Variants in DGKI observed in about 807,000 individuals in gnomAD.
The protein encoded by DGKI is diacylglycerol kinase iota, also known as DAG kinase iota.
Under a neutral mutation model 147.5 loss-of-function variants are expected in DGKI, and 55 were observed. That is an observed-to-expected ratio of 0.37 (90% CI 0.30 to 0.47). The LOEUF (loss-of-function observed/expected upper bound fraction) is 0.47, where lower values mean the gene tolerates loss of function less well. Among genes scored for constraint, DGKI ranks in the 20% least tolerant of loss-of-function variants. DGKI has a pLI of 1.00. For synonymous variants in DGKI, 469 were observed against 477.1 expected (o/e 0.98, Z 0.22); for missense variants, 1,007 against 1,323.8 (o/e 0.76, Z 3.71).
chr7:137,535,815 G>A (rs1192879404), intron 20 of DGKI, among the ~76,000 whole-genome samples: 1 of 152,132 alleles, frequency 6.6e-6, no homozygotes, highest in African/African-American at 2.4e-5. Context: ...TGGGTGGACT[G>A]TTACTAATAT....
At chr7:137,697,275 G>T (rs2116490259) in intron 1 of DGKI, among the ~76,000 whole-genome samples, 1 of 152,296 alleles carries the variant, frequency 6.6e-6, no homozygotes, top group Non-Finnish European at 1.5e-5. Context: ...TTGCCCCCAT[G>T]AAACCTTGGA....
In DGKI at chr7:137,391,272, C is replaced by G. The variant is rs1302721806; in HGVS notation, c.3122G>C (p.Ser1041Thr). The change falls in exon 33 of 33, where the codon AGC becomes ACC. Residue 1041 changes from serine to threonine, a missense_variant. Ser to Thr is a moderately conservative substitution (Grantham distance 58). Transcript: ENST00000614521. ...GDPDLAAYLE[S>T]RQNYKVIGHE... ...GCCAATGACCTTATAGTTCTGACGGCTTTCTAGGTAAGCAGCCAAGTCTGG... is the reference window on the plus strand; with the variant it reads ...GCCAATGACCTTATAGTTCTGACGGGTTTCTAGGTAAGCAGCCAAGTCTGG... 1 of 1,613,632 alleles carries G rather than the reference C, an allele frequency of 6.2e-7. No homozygotes were observed. The highest frequency in any genetic ancestry group is 8.5e-7 in the Non-Finnish European group (1 of 1,179,858).
At chr7:137,487,493 C>T in intron 22 of DGKI, 117 bp downstream of exon 22, 2 of 908,780 alleles carry the variant, frequency 2.2e-6, no homozygotes, top group Admixed American at 3.6e-5. Context: ...AGGACAAAGC[C>T]ACCACATTTC....
intron 20 of DGKI, among the ~76,000 whole-genome samples, chr7:137,525,361 T>C (rs931484397): frequency 4.6e-5 from 7 of 152,160 alleles, no homozygotes; most frequent in Non-Finnish European, 7.4e-5. Flanking sequence ...GGGTATCTGT[T>C]TTCTTTTTTA....
chr7:137,445,881 T>C (rs936276859), intron 27 of DGKI, among the ~76,000 whole-genome samples: 5 of 152,014 alleles, frequency 3.3e-5, no homozygotes, highest in Non-Finnish European at 7.4e-5. Context: ...TTATTAAAAA[T>C]AAAGTTGGGG....
At chr7:137,776,866 A>C (rs958618950) in intron 1 of DGKI, among the ~76,000 whole-genome samples, 1 of 152,090 alleles carries the variant, frequency 6.6e-6, no homozygotes, top group Non-Finnish European at 1.5e-5. Context: ...AGGAGTAATG[A>C]GATAATAATC....
chr7:137,717,115 G>T (rs1292206289), intron 1 of DGKI, among the ~76,000 whole-genome samples: 1 of 152,232 alleles, frequency 6.6e-6, no homozygotes, highest in Non-Finnish European at 1.5e-5. Context: ...GAAGTGACCA[G>T]CACATAGAAG....
At chr7:137,608,438 C>A (rs750624054) in intron 10 of DGKI, among the ~76,000 whole-genome samples, 1 of 152,118 alleles carries the variant, frequency 6.6e-6, no homozygotes, top group African/African-American at 2.4e-5. Context: ...AGATAAGTAT[C>A]TGTACTATTG....
chr7:137,510,816 G>A (rs1274876828), intron 21 of DGKI, among the ~76,000 whole-genome samples: 1 of 152,160 alleles, frequency 6.6e-6, no homozygotes, highest in East Asian at 1.9e-4. Context: ...CAGCTGAAGG[G>A]GCCCCAAGCC....
chr7:137,666,028 T>A (rs182418247), intron 3 of DGKI, among the ~76,000 whole-genome samples: 1 of 152,224 alleles, frequency 6.6e-6, no homozygotes, highest in African/African-American at 2.4e-5. Context: ...GATACATCCA[T>A]CGTGTTTTGA....
chr7:137,591,531 CG>C (rs1207406527), intron 12 of DGKI, among the ~76,000 whole-genome samples: 1 of 152,132 alleles, frequency 6.6e-6, no homozygotes, highest in Non-Finnish European at 1.5e-5. Flanking sequence ...CCAGCATTCC[CG>C]GAAGACAGCA....
chr7:137,619,678 A>C, intron 8 of DGKI, 146 bp downstream of exon 8: 1 of 649,156 alleles, frequency 1.5e-6, no homozygotes, highest in Non-Finnish European at 2.7e-6. Context: ...GGCCAATGGG[A>C]TGAACTGAGG....
chr7:137,460,865 TG>T (rs1351716852), intron 27 of DGKI, among the ~76,000 whole-genome samples: 8 of 152,212 alleles, frequency 5.3e-5, no homozygotes, highest in African/African-American at 1.7e-4. Context: ...TCAAGGTGGT[TG>T]GTACATGATG....
At chr7:137,747,138 G>A (rs1284831118) in intron 1 of DGKI, among the ~76,000 whole-genome samples, 3 of 152,034 alleles carry the variant, frequency 2.0e-5, no homozygotes, top group Non-Finnish European at 4.4e-5. Context: ...GCGGGTAGGG[G>A]ATTAGATCAC....
At chr7:137,582,005 C>A in intron 14 of DGKI, 77 bp from the exon 15 acceptor site, 6 of 1,193,394 alleles carry the variant, frequency 5.0e-6, no homozygotes, top group Non-Finnish European at 7.4e-6. Context: ...TAAAGCTGGA[C>A]CCCTATCTCT....
Position 137,421,323 on chromosome 7 carries a change from G to A in DGKI, c.2762-9116C>T, listed in dbSNP as rs550980596. Reference sequence around the variant, plus strand: ...TCTTAGATTGTGTAACCATAGATGGGAGACAAAAATAGGTTTTGTTTCTCT... The same window carrying A: ...TCTTAGATTGTGTAACCATAGATGGAAGACAAAAATAGGTTTTGTTTCTCT... On this transcript the variant is annotated intron_variant, in intron 28 of 32. Coordinates refer to ENST00000614521, the MANE Select transcript of DGKI (RefSeq NM_001321708.2). 1.1e-4 allele frequency among the ~76,000 whole-genome samples: 16 copies of A among 152,112 alleles called. No homozygotes were observed. The South Asian group carries it at 2.1e-3, about 20-fold the overall frequency.
At chr7:137,449,758 G>A (rs574854896) in intron 27 of DGKI, among the ~76,000 whole-genome samples, 4 of 152,214 alleles carry the variant, frequency 2.6e-5, no homozygotes, top group African/African-American at 9.6e-5. Context: ...ATATGATTCA[G>A]CAATCATAAG....
At position 137,388,853 on chromosome 7, in the gene DGKI, C is replaced by G. The variant is rs1358880624; in HGVS notation, c.*2367G>C. 6.6e-6 allele frequency: 1 copy of G among 151,214 alleles called. No homozygotes were observed. Among genetic ancestry groups the G allele is most frequent in the Non-Finnish European group, 1.5e-5 (1 of 67,902 alleles). 9.4% of individuals were successfully genotyped at this position (151,214 alleles called of 1,614,324 possible). On this transcript the variant is annotated 3_prime_UTR_variant, in exon 33 of 33. Transcript: ENST00000614521. Reference sequence around the variant, plus strand: ...ATTTCCAAATGCATCAGGAATCTTACAGTACCAACTCATCATTTTTCATAA... The same window carrying G: ...ATTTCCAAATGCATCAGGAATCTTAGAGTACCAACTCATCATTTTTCATAA...
intron 1 of DGKI, among the ~76,000 whole-genome samples, chr7:137,714,575 G>T (rs1794321741): frequency 2.0e-5 from 3 of 152,140 alleles, no homozygotes; most frequent in Admixed American, 2.0e-4. Flanking sequence ...GTAGATCTTG[G>T]TTTATCAAAT....
Sources: gnomAD v4.1 joint callset for allele counts (sites outside exome capture counted in the v4.1 genomes callset) on GRCh38, gnomAD v4.1.1 for gene constraint, MANE v1.5 for transcripts, NCBI Gene and HGNC (gene_info 2026-07-23, HGNC 2026-07-21) for gene names.